WDFY4: variants seen among roughly 807,000 people sequenced by gnomAD.
WDFY4 encodes WD repeat- and FYVE domain-containing protein 4.
A neutral mutation model predicts 351.9 loss-of-function variants in WDFY4; 169 were observed. The ratio of observed to expected loss-of-function variants is 0.48; its 90% CI spans 0.42 to 0.55. WDFY4 has a LOEUF of 0.55. WDFY4 is among the 20% of genes least tolerant of loss of function. The pLI is 0.00. For synonymous variants in WDFY4, 1,622 were observed against 1,574.6 expected (o/e 1.03, Z -0.71); for missense variants, 3,803 against 3,935.6 (o/e 0.97, Z 0.90).
chr10:48,856,690 A>T (rs1279003220), intron 39 of WDFY4, among the ~76,000 whole-genome samples: 2 of 152,166 alleles, frequency 1.3e-5, no homozygotes, highest in Non-Finnish European at 2.9e-5. Flanking sequence ...AAATGTGTTG[A>T]TCTATCTTGC....
At position 48,805,307 on chromosome 10, in the gene WDFY4, C is replaced by T. The variant is rs1284286598; in HGVS notation, c.4532C>T (p.Pro1511Leu). The T allele has an allele frequency of 6.5e-7, 1 of 1,547,690 alleles. No individual in the cohort carries two copies. Among genetic ancestry groups the T allele is most frequent in the Admixed American group, 2.0e-5 (1 of 51,000 alleles). ...AEAAHQAQLIPKLIFLFNEPS... is the reference protein window; with the variant it reads ...AEAAHQAQLILKLIFLFNEPS... Reference sequence around the variant, plus strand: ...GCTGCCCACCAGGCACAGCTTATACCCAAGCTCATCTTCCTATTCAATGAG... The same window carrying T: ...GCTGCCCACCAGGCACAGCTTATACTCAAGCTCATCTTCCTATTCAATGAG... Residue 1511 changes from proline (P) to leucine (L), a missense_variant, in exon 26 of 62, where the codon CCC (proline) becomes CTC (leucine). By Grantham distance (98) the Pro-to-Leu change is moderately conservative. Transcript: ENST00000325239.
intron 43 of WDFY4, among the ~76,000 whole-genome samples, chr10:48,885,672 A>G (rs912470748): frequency 6.6e-6 from 1 of 152,144 alleles, no homozygotes; most frequent in African/African-American, 2.4e-5. Flanking sequence ...CCAAATTAAT[A>G]TATATGTGTA....
chr10:48,750,746 C>A (rs559499346), intron 12 of WDFY4, among the ~76,000 whole-genome samples: 1 of 152,216 alleles, frequency 6.6e-6, no homozygotes, highest in Non-Finnish European at 1.5e-5. Flanking sequence ...CCACTTAAGT[C>A]GTCTCTTCCC....
intron 1 of WDFY4, among the ~76,000 whole-genome samples, chr10:48,700,755 C>G (rs1344429147): frequency 6.6e-6 from 1 of 152,174 alleles, no homozygotes; most frequent in African/African-American, 2.4e-5. Flanking sequence ...GTGGGCACAG[C>G]CTTTGGCAGG....
intron 13 of WDFY4, among the ~76,000 whole-genome samples, chr10:48,761,974 T>G (rs1385691161): frequency 6.6e-6 from 1 of 152,242 alleles, no homozygotes; most frequent in Non-Finnish European, 1.5e-5. Flanking sequence ...AACCTGGTAT[T>G]GAATGTGGCC....
intron 47 of WDFY4, among the ~76,000 whole-genome samples, chr10:48,939,503 G>A (rs2133746801): frequency 6.6e-6 from 1 of 152,330 alleles, no homozygotes; most frequent in East Asian, 1.9e-4. Flanking sequence ...CTCTTTCTCA[G>A]GCTGCCTCCC....
At chr10:48,853,543 C>A (rs2069026784) in intron 39 of WDFY4, among the ~76,000 whole-genome samples, 2 of 152,200 alleles carry the variant, frequency 1.3e-5, no homozygotes, top group South Asian at 4.1e-4. Context: ...CCTGGGCTGT[C>A]ATAACACTGT....
chr10:48,829,083 T>C (rs2068104244), intron 37 of WDFY4, among the ~76,000 whole-genome samples, 187 bp downstream of exon 37: 1 of 152,102 alleles, frequency 6.6e-6, no homozygotes. Context: ...CATGTATTAG[T>C]ATATAGCAAG....
At chr10:48,717,797 G>T (rs1266199030) in intron 2 of WDFY4, among the ~76,000 whole-genome samples, 1 of 152,076 alleles carries the variant, frequency 6.6e-6, no homozygotes, top group Non-Finnish European at 1.5e-5. Context: ...ATTATTCATT[G>T]TCTTATCAAA....
At chr10:48,829,075 T>C (rs969192529) in intron 37 of WDFY4, among the ~76,000 whole-genome samples, 179 bp downstream of exon 37, 1 of 152,112 alleles carries the variant, frequency 6.6e-6, no homozygotes, top group African/African-American at 2.4e-5. Context: ...AGGGTAATCA[T>C]GTATTAGTAT....
intron 30 of WDFY4, among the ~76,000 whole-genome samples, chr10:48,812,539 C>T (rs935121338): frequency 2.3e-4 from 35 of 152,138 alleles, no homozygotes; most frequent in African/African-American, 8.2e-4. Context: ...CCAACCCGTT[C>T]CTCATAAGCC....
rs1211064721 is a variant in WDFY4 at position 48,872,477 on chromosome 10, G to A, written c.6742-1014G>A. ...AGGAAATGAGATAAAGCAGGTGCAG[G>A]GCTCAGCCTAACACATGATAATGAG... On this transcript the variant is annotated intron_variant, in intron 40 of 61. Transcript: ENST00000325239. 2.0e-5 allele frequency among the ~76,000 whole-genome samples: 3 copies of A among 152,266 alleles called. No individual in the cohort carries two copies. In the East Asian group the frequency reaches 5.8e-4, roughly 29 times the overall value.
rs527970845 is a variant in WDFY4 at position 48,889,577 on chromosome 10, C to T, written c.7168-1002C>T. Among the ~76,000 whole-genome samples the T allele has an allele frequency of 8.5e-5, 13 of 152,218 alleles. 1 individual carries two copies. The highest frequency in any genetic ancestry group is 4.6e-4 in the Admixed American group (7 of 15,286). ...CAAAATTACCATGAGAAAATGCTGG[C>T]CTCGGCCTTATTCTTGGTCCCTTTA... On this transcript the variant is annotated intron_variant, in intron 43 of 61. Transcript: ENST00000325239.
chr10:48,725,468 C>G (rs764026609), intron 5 of WDFY4, among the ~76,000 whole-genome samples: 23 of 152,206 alleles, frequency 1.5e-4, no homozygotes, highest in Non-Finnish European at 1.8e-4. Context: ...TATGCTGACT[C>G]TTGTGGTCTC....
At chr10:48,760,827 C>T (rs1006072795) in intron 13 of WDFY4, among the ~76,000 whole-genome samples, 2 of 152,198 alleles carry the variant, frequency 1.3e-5, no homozygotes, top group Non-Finnish European at 2.9e-5. Context: ...TGGCTGAGAT[C>T]CTGGCCCTGT....
chr10:48,905,910 C>G (rs563268134), intron 47 of WDFY4, among the ~76,000 whole-genome samples: 3 of 152,364 alleles, frequency 2.0e-5, no homozygotes. Flanking sequence ...AAGCAGGTGG[C>G]TCTCCTTGCT....
intron 47 of WDFY4, among the ~76,000 whole-genome samples, chr10:48,921,047 G>T (rs558353995): frequency 6.6e-6 from 1 of 152,158 alleles, no homozygotes; most frequent in Non-Finnish European, 1.5e-5. Flanking sequence ...TGAATTGGAT[G>T]ACTTAATGTC....
At chr10:48,731,067 C>T in intron 8 of WDFY4, 43 bp from the exon 9 acceptor site, 1 of 1,470,848 alleles carries the variant, frequency 6.8e-7, no homozygotes, top group Non-Finnish European at 9.1e-7. Flanking sequence ...TAGACACAGG[C>T]AGGAGAAATG....
chr10:48,706,668 G>A lies in WDFY4; in HGVS notation c.-17-3048G>A, dbSNP rs535069258. 3.3e-5 allele frequency among the ~76,000 whole-genome samples: 5 copies of A among 152,304 alleles called. No individual in the cohort carries two copies. In the East Asian group the frequency reaches 9.6e-4, roughly 29 times the overall value. ...TCAGGAGCAGCCGTTTGGAAATATG[G>A]ATCAAGAGGCTGGAAAATTTATCTA... On this transcript the variant is annotated intron_variant, in intron 1 of 61. Coordinates refer to ENST00000325239, the MANE Select transcript of WDFY4 (RefSeq NM_001394531.1).
Sources: gnomAD v4.1 joint callset for allele counts (sites outside exome capture counted in the v4.1 genomes callset) on GRCh38, gnomAD v4.1.1 for gene constraint, MANE v1.5 for transcripts, NCBI Gene and HGNC (gene_info 2026-07-23, HGNC 2026-07-21) for gene names.